The following C12orf42 variants were observed in gnomAD, a reference collection of about 807,000 sequenced individuals.
The protein encoded by C12orf42 is chromosome 12 open reading frame 42, also known as uncharacterized protein C12orf42.
In C12orf42, 25 loss-of-function variants were observed where a neutral mutation model predicts 21.6. The ratio of observed to expected loss-of-function variants is 1.16; its 90% CI spans 0.84 to 1.62. The LOEUF (loss-of-function observed/expected upper bound fraction) is 1.62. C12orf42 is among the 40% of genes most tolerant of loss of function. The probability of loss-of-function intolerance (pLI) is 0.00; values close to 1 mark genes in which losing one functional copy is unlikely to be tolerated. For missense variants in C12orf42, 483 were observed against 459.3 expected, an observed-to-expected ratio of 1.05 and a Z score of -0.47; for synonymous variants, 174 against 175.0, an observed-to-expected ratio of 0.99 and a Z score of 0.05.
chr12:103,233,739 A>G (rs1421501881), downstream of C12orf42, among the ~76,000 whole-genome samples: 2 of 152,120 alleles, frequency 1.3e-5, no homozygotes, highest in African/African-American at 4.8e-5. Flanking sequence ...CTTTACAGAT[A>G]TTTTTACAGA....
chr12:103,333,113 G>T (rs752222524), intron 4 of C12orf42, among the ~76,000 whole-genome samples: 2 of 152,152 alleles, frequency 1.3e-5, no homozygotes, highest in Non-Finnish European at 2.9e-5. Flanking sequence ...GTCTGAGCAG[G>T]TTCTACATCT....
rs1372433853 is a variant in C12orf42 at position 103,274,953 on chromosome 12, AT to A, written n.398+2196del. ...ATCTTCACTGCTTGGTTCTATCCAC[AT>A]TTGGCAATTTTAAAGTTTCATTCAT... On this transcript the variant is annotated intron_variant and non_coding_transcript_variant, in intron 5 of 6. Coordinates refer to the C12orf42 transcript ENST00000546526. Among the ~76,000 whole-genome samples, 3 of 152,196 alleles carry A rather than the reference AT, an allele frequency of 2.0e-5. No individual in the cohort carries two copies. The South Asian group carries it at 6.2e-4, about 32-fold the overall frequency.
chr12:103,430,776 T>C (rs543967309), intron 2 of C12orf42, among the ~76,000 whole-genome samples: 2 of 152,326 alleles, frequency 1.3e-5, no homozygotes, highest in African/African-American at 4.8e-5. Flanking sequence ...TGGAATACTA[T>C]GCAGCCACAA....
the C12orf42 span, among the ~76,000 whole-genome samples, chr12:103,507,301 T>C: frequency 6.3e-3 from 656 of 104,400 alleles, 15 homozygotes; most frequent in African/African-American, 0.024. Flanking sequence ...AACTGCGTTA[T>C]GCATTTCTCT....
At chr12:103,194,916 G>T in the C12orf42 span, among the ~76,000 whole-genome samples, 1 of 152,234 alleles carries the variant, frequency 6.6e-6, no homozygotes, top group Admixed American at 6.5e-5. Flanking sequence ...CATAGCACCT[G>T]ATAGGTATTT....
the C12orf42 span, among the ~76,000 whole-genome samples, chr12:103,109,927 CA>C: frequency 1.3e-5 from 2 of 152,016 alleles, no homozygotes; most frequent in Non-Finnish European, 2.9e-5. Flanking sequence ...GTCAAAATAT[CA>C]AAAAACGTCA....
At chr12:103,282,678 G>T (rs1447631029) in intron 4 of C12orf42, among the ~76,000 whole-genome samples, 1 of 152,180 alleles carries the variant, frequency 6.6e-6, no homozygotes, top group East Asian at 1.9e-4. Context: ...TGTTATTATG[G>T]TGATTTGTAC....
intron 2 of C12orf42, among the ~76,000 whole-genome samples, chr12:103,424,300 C>T (rs183631771): frequency 1.4e-4 from 22 of 152,334 alleles, no homozygotes; most frequent in Middle Eastern, 3.4e-3. Flanking sequence ...GTTGCTACTT[C>T]CTTTTGTCTT....
intron 2 of C12orf42, among the ~76,000 whole-genome samples, chr12:103,432,152 T>C (rs1208535571): frequency 6.6e-6 from 1 of 152,188 alleles, no homozygotes; most frequent in Non-Finnish European, 1.5e-5. Context: ...TGAGGCATTC[T>C]TCCCTTACCA....
chr12:103,091,444 C>T, the C12orf42 span, among the ~76,000 whole-genome samples: 1 of 151,542 alleles, frequency 6.6e-6, no homozygotes, highest in Non-Finnish European at 1.5e-5. Flanking sequence ...GCACTCTTGT[C>T]GTTCTCCTCA....
At chr12:103,049,560 C>T in the C12orf42 span, among the ~76,000 whole-genome samples, 1 of 152,330 alleles carries the variant, frequency 6.6e-6, no homozygotes, top group Non-Finnish European at 1.5e-5. Flanking sequence ...GTAAGACAGT[C>T]TTACCATTCC....
the C12orf42 span, chr12:103,164,672 A>G: frequency 1.8e-5 from 8 of 450,490 alleles, no homozygotes; most frequent in Non-Finnish European, 3.6e-5. Context: ...ACTTTTGTAA[A>G]CCTTTTGTTT....
chr12:103,177,860 T>G, the C12orf42 span, among the ~76,000 whole-genome samples: 20 of 118,794 alleles, frequency 1.7e-4, no homozygotes, highest in Admixed American at 1.7e-3. Flanking sequence ...TGTGTGTTTG[T>G]GTGTGTGTGT....
At chr12:103,413,013 T>C (rs929291988) in intron 2 of C12orf42, among the ~76,000 whole-genome samples, 5 of 152,344 alleles carry the variant, frequency 3.3e-5, no homozygotes, top group Middle Eastern at 6.8e-3. Flanking sequence ...TTTTGGAAAC[T>C]TAGCCAAAAC....
chr12:103,165,984 G>C, the C12orf42 span, among the ~76,000 whole-genome samples: 1 of 151,722 alleles, frequency 6.6e-6, no homozygotes, highest in African/African-American at 2.4e-5. Context: ...AGGTTGGAGT[G>C]AGCCGAGATC....
chr12:103,165,061 A>G, the C12orf42 span, among the ~76,000 whole-genome samples: 1 of 152,286 alleles, frequency 6.6e-6, no homozygotes, highest in South Asian at 2.1e-4. Context: ...GAGTGAAATG[A>G]CCGTTTGCTG....
At chr12:103,528,977 T>A in the C12orf42 span, among the ~76,000 whole-genome samples, 1 of 152,160 alleles carries the variant, frequency 6.6e-6, no homozygotes, top group Admixed American at 6.5e-5. Flanking sequence ...GGGCAGAGAT[T>A]CAAACTTTTT....
At chr12:103,315,116 C>T (rs912209955) in intron 4 of C12orf42, among the ~76,000 whole-genome samples, 1 of 152,046 alleles carries the variant, frequency 6.6e-6, no homozygotes, top group Non-Finnish European at 1.5e-5. Context: ...AACATAAAAC[C>T]TCATACTAAA....
intron 4 of C12orf42, among the ~76,000 whole-genome samples, chr12:103,323,689 C>G (rs1474901483): frequency 1.3e-5 from 2 of 152,172 alleles, no homozygotes; most frequent in South Asian, 4.1e-4. Context: ...AAAGTAGATT[C>G]ATTACATTTG....
Sources: allele counts gnomAD v4.1 joint callset (sites outside exome capture counted in the v4.1 genomes callset), GRCh38; gene constraint gnomAD v4.1.1; transcripts MANE v1.5; gene names NCBI Gene and HGNC (gene_info 2026-07-23, HGNC 2026-07-21).